The following CPEB2 variants were observed in gnomAD, a reference collection of about 807,000 sequenced individuals.
CPEB2 encodes cytoplasmic polyadenylation element-binding protein 2.
A neutral mutation model predicts 93.6 loss-of-function variants in CPEB2; 56 were observed. The observed-to-expected ratio is 0.60, with a 90% CI of 0.48 to 0.75. The LOEUF (loss-of-function observed/expected upper bound fraction) is 0.75. Ranked by LOEUF, CPEB2 falls within the 30% of genes least tolerant of loss-of-function variation. The probability of loss-of-function intolerance (pLI) is 0.00; values close to 1 mark genes in which losing one functional copy is unlikely to be tolerated. For missense variants in CPEB2, 1,579 were observed against 1,395.1 expected, an observed-to-expected ratio of 1.13 and a Z score of -2.10; for synonymous variants, 764 against 586.3, an observed-to-expected ratio of 1.30 and a Z score of -4.38.
At chr4:15,007,999 A>G (rs897608299) in intron 2 of CPEB2, among the ~76,000 whole-genome samples, 1 of 152,194 alleles carries the variant, frequency 6.6e-6, no homozygotes, top group African/African-American at 2.4e-5. Context: ...ATATTAGAAT[A>G]TACTTAGTAC....
Position 15,033,228 on chromosome 4 carries a change from C to T in CPEB2, c.2176+17C>T, listed in dbSNP as rs1457326136. On this transcript the variant is annotated intron_variant, in intron 5 of 11. Coordinates refer to ENST00000538197, the MANE Select transcript of CPEB2 (RefSeq NM_001177382.2). ...TGTTAAATGGTAAGTTTTATAAAAA[C>T]ATTTTATGTTTCCAGTTGATTTATG... 2 of 1,495,630 alleles carry T rather than the reference C, an allele frequency of 1.3e-6. No individual in the cohort carries two copies. The highest frequency in any genetic ancestry group is 4.5e-5 in the East Asian group (2 of 43,998). 92.6% of individuals were successfully genotyped at this position (1,495,630 alleles called of 1,614,324 possible).
chr4:15,040,738 C>T (rs1409892549), intron 6 of CPEB2, among the ~76,000 whole-genome samples: 3 of 152,096 alleles, frequency 2.0e-5, no homozygotes, highest in African/African-American at 4.8e-5. Context: ...TTTAAAGTTA[C>T]TTCTGTATCT....
chr4:15,010,417 G>A (rs776162433), intron 3 of CPEB2: 1 of 152,140 alleles, frequency 6.6e-6, no homozygotes, highest in African/African-American at 2.4e-5. Context: ...CTAAGGCAGT[G>A]GAGGTAGTAT....
intron 4 of CPEB2, 184 bp downstream of exon 4, chr4:15,017,462 A>G (rs1724303987): frequency 2.3e-6 from 1 of 428,692 alleles, no homozygotes; most frequent in African/African-American, 2.0e-5. Context: ...CTTAATGTGA[A>G]CTCACCTCCC....
At chr4:15,029,886 G>A (rs1204404335) in intron 4 of CPEB2, among the ~76,000 whole-genome samples, 1 of 152,040 alleles carries the variant, frequency 6.6e-6, no homozygotes, top group African/African-American at 2.4e-5. Flanking sequence ...TCCCTTTTAA[G>A]GATACAGTAC....
At position 15,067,924 on chromosome 4, in the gene CPEB2, G is replaced by T. The variant is rs1020448886; in HGVS notation, c.*1544G>T. ...TTTTTTGGGGTGTTTTGAGAAAGTG[G>T]CATGGAAACATGCAGTAGTTAATGA... On this transcript the variant is annotated 3_prime_UTR_variant, in exon 12 of 12. Coordinates refer to ENST00000538197, the MANE Select transcript of CPEB2 (RefSeq NM_001177382.2). 16 of 152,244 alleles carry T rather than the reference G, an allele frequency of 1.1e-4. No homozygotes were observed. Among genetic ancestry groups the T allele is most frequent in the African/African-American group, 3.6e-4 (15 of 41,386 alleles). The allele number at this position is 152,244 out of a possible 1,614,324, so 9.4% of individuals were successfully genotyped here.
intron 11 of CPEB2, among the ~76,000 whole-genome samples, chr4:15,064,816 A>G (rs375119355): frequency 6.6e-5 from 10 of 152,248 alleles, no homozygotes; most frequent in African/African-American, 2.4e-4. Context: ...TAATGTTCCC[A>G]TAAAGGAAAA....
intron 10 of CPEB2, 113 bp downstream of exon 10, chr4:15,059,414 C>A: frequency 1.8e-6 from 1 of 569,098 alleles, no homozygotes; most frequent in East Asian, 3.1e-5. Context: ...AGAGCAGGAG[C>A]AGATTCTGCA....
At chr4:15,019,251 A>G (rs1724551125) in intron 4 of CPEB2, among the ~76,000 whole-genome samples, 1 of 151,932 alleles carries the variant, frequency 6.6e-6, no homozygotes, top group Non-Finnish European at 1.5e-5. Flanking sequence ...TGATATTTCT[A>G]CAAAGCACCA....
chr4:15,051,094 T>A (rs988842325), intron 6 of CPEB2, among the ~76,000 whole-genome samples: 1 of 152,194 alleles, frequency 6.6e-6, no homozygotes, highest in East Asian at 1.9e-4. Context: ...ATCTCTCCTT[T>A]TTCATTCTTT....
chr4:15,031,184 A>G lies in CPEB2; in HGVS notation c.2126-1977A>G, dbSNP rs141254959. ...AAGACTATGTCCCACTCATGTTTAC[A>G]TGCTCTGCATCCTACACACTGTCAG... On this transcript the variant is annotated intron_variant, in intron 4 of 11. Transcript: ENST00000538197. 4.1e-3 allele frequency among the ~76,000 whole-genome samples: 630 copies of G among 152,188 alleles called. 3 individuals are homozygous for G. The highest frequency in any genetic ancestry group is 0.015 in the African/African-American group (610 of 41,536).
At chr4:15,043,859 T>C (rs1727416668) in intron 6 of CPEB2, among the ~76,000 whole-genome samples, 3 of 152,006 alleles carry the variant, frequency 2.0e-5, no homozygotes, top group African/African-American at 4.8e-5. Context: ...AGACAAATGA[T>C]GGAAAGGTTA....
chr4:15,037,141 AAATAC>A (rs930766735), intron 5 of CPEB2, among the ~76,000 whole-genome samples: 2 of 152,118 alleles, frequency 1.3e-5, no homozygotes, highest in African/African-American at 4.8e-5. Context: ...TCTCTACTAA[AAATAC>A]AAAAAAATTA....
intron 2 of CPEB2, 56 bp downstream of exon 2, chr4:15,007,642 G>T: frequency 8.2e-7 from 1 of 1,216,434 alleles, no homozygotes; most frequent in Non-Finnish European, 1.1e-6. Context: ...AAAATAGGGA[G>T]TTGGGTGGTG....
At chr4:15,057,714 G>T (rs975666095) in intron 8 of CPEB2, among the ~76,000 whole-genome samples, 1 of 152,168 alleles carries the variant, frequency 6.6e-6, no homozygotes, top group African/African-American at 2.4e-5. Context: ...TCTCCAGACA[G>T]TTTGAAAAAT....
rs1479960595 is a variant in CPEB2, at chr4:15,018,969, T to TATAC, written c.2125+1692_2125+1693insTACA. 1.4e-3 allele frequency among the ~76,000 whole-genome samples: 196 copies of TATAC among 139,150 alleles called. No individual in the cohort carries two copies. In the Middle Eastern group the frequency reaches 0.016, roughly 11 times the overall value. 91.3% of individuals were successfully genotyped at this position (139,150 alleles called of 152,430 possible). ...ATATATATATATATATATATATATA[T>TATAC]ACACACGCACACACACACGCATATA... On this transcript the variant is annotated intron_variant, in intron 4 of 11. Transcript: ENST00000538197.
At position 15,008,247 on chromosome 4, in the gene CPEB2, G is replaced by A. The variant is rs1310333606; in HGVS notation, c.1945-91G>A. 30 of 880,398 alleles carry A rather than the reference G, an allele frequency of 3.4e-5. No individual in the cohort carries two copies. In the Admixed American group the frequency reaches 5.7e-4, roughly 17 times the overall value. The allele number at this position is 880,398 out of a possible 1,614,324, so 54.5% of individuals were successfully genotyped here. A position where few individuals can be genotyped will look rare whatever the true frequency, so the allele number is the denominator to read the frequency against. ...GGATGGAATGAGGATTTAAGATAGAGCTTTATTTTTTGTTTTCTTTCTTTC... is the reference window on the plus strand; with the variant it reads ...GGATGGAATGAGGATTTAAGATAGAACTTTATTTTTTGTTTTCTTTCTTTC... On this transcript the variant is annotated intron_variant, in intron 2 of 11. Coordinates refer to ENST00000538197, the MANE Select transcript of CPEB2 (RefSeq NM_001177382.2).
chr4:15,003,276 G>T lies in CPEB2; in HGVS notation c.603G>T (p.Pro201=), dbSNP rs1250723496. The T allele has an allele frequency of 1.3e-6, 2 of 1,517,670 alleles. No homozygotes were observed. Among genetic ancestry groups the T allele is most frequent in the East Asian group, 2.6e-5 (1 of 39,106 alleles). 94.0% of individuals were successfully genotyped at this position (1,517,670 alleles called of 1,614,324 possible). A position where few individuals can be genotyped will look rare whatever the true frequency, so the allele number is the denominator to read the frequency against. Residue 201 remains proline (P), a synonymous_variant, in exon 1 of 12, where the codon CCG becomes CCT. Coordinates refer to ENST00000538197, the MANE Select transcript of CPEB2 (RefSeq NM_001177382.2). The part of the protein sequence containing the change: ...PDSKPPPPPP[P]LHCPGRFSPP... ...CGAAGCCGCCGCCGCCGCCTCCGCCGCTCCACTGCCCCGGTCGGTTCAGCC... is the reference window on the plus strand; with the variant it reads ...CGAAGCCGCCGCCGCCGCCTCCGCCTCTCCACTGCCCCGGTCGGTTCAGCC...
At chr4:15,065,167 T>C (rs1303452172) in intron 11 of CPEB2, among the ~76,000 whole-genome samples, 1 of 152,112 alleles carries the variant, frequency 6.6e-6, no homozygotes, top group Non-Finnish European at 1.5e-5. Context: ...ACAAATAATA[T>C]TGCGGAAAAT....
Sources: gnomAD v4.1 joint callset for allele counts (sites outside exome capture counted in the v4.1 genomes callset) on GRCh38, gnomAD v4.1.1 for gene constraint, MANE v1.5 for transcripts, NCBI Gene and HGNC (gene_info 2026-07-23, HGNC 2026-07-21) for gene names.